Variants in GAD1 observed in about 807,000 individuals in gnomAD.
GAD1 encodes the protein glutamate decarboxylase 1.
Under a neutral mutation model 75.2 loss-of-function variants are expected in GAD1, and 35 were observed. The ratio of observed to expected loss-of-function variants is 0.47; its 90% confidence interval spans 0.36 to 0.62. The LOEUF is 0.62. GAD1 is among the 20% of genes least tolerant of loss of function. The probability of loss-of-function intolerance (pLI) is 0.00; values close to 1 mark genes in which losing one functional copy is unlikely to be tolerated. For missense variants in GAD1, 490 were observed against 758.5 expected (o/e 0.65, Z 4.16); for synonymous variants, 257 against 271.9 (o/e 0.95, Z 0.54).
Position 170,829,573 on chromosome 2 carries a change from A to G in GAD1, c.244A>G (p.Ser82Gly), listed in dbSNP as rs1439422597. Residue 82 changes from serine to glycine, a missense_variant, in exon 4 of 17, where the codon AGC becomes GGC. Physicochemically the swap from Ser to Gly is moderately conservative, Grantham distance 56. Coordinates refer to ENST00000358196, the MANE Select transcript of GAD1 (RefSeq NM_000817.3). ...CAAGAACCTGCTTTCCTGTGAAAAC[A>G]GCGACCGGGATGCCCGCTTCCGGCG... ...SSKNLLSCEN[S>G]DRDARFRRTE... is the part of the protein sequence containing the mutation. 6.2e-7 allele frequency: 1 copy of G among 1,612,580 alleles called. No individual in the cohort carries two copies.
chr2:170,828,801 A>C (rs1479993516), intron 3 of GAD1, among the ~76,000 whole-genome samples: 53 of 73,118 alleles, frequency 7.2e-4, no homozygotes, highest in Admixed American at 9.3e-4. Context: ...TGCTGTCCTC[A>C]CCCCTCCTCT....
At chr2:170,840,047 A>G (rs540828049) in intron 6 of GAD1, among the ~76,000 whole-genome samples, 9 of 152,338 alleles carry the variant, frequency 5.9e-5, no homozygotes, top group African/African-American at 1.9e-4. Flanking sequence ...CAGCTGTGAC[A>G]TAGACTTGGA....
At chr2:170,849,076 C>A in intron 11 of GAD1, 1 of 633,624 alleles carries the variant, frequency 1.6e-6, no homozygotes, top group Non-Finnish European at 2.9e-6. Context: ...ACTTGTGCAG[C>A]TAAAGTCCAG....
In GAD1 at chr2:170,830,954, G is replaced by C; in HGVS notation, c.309G>C (p.Leu103=). ...TCATTGCTCTCCCCAATTCAGATCT[G>C]CTTCCGGCTAAGAACGGTGAGGAGC... ...TDFSNLFARD[L]LPAKNGEEQT... is the part of the protein sequence containing the mutation. Residue 103 remains leucine (L), a synonymous_variant, in exon 5 of 17, where the codon CTG becomes CTC. Coordinates refer to ENST00000358196, the MANE Select transcript of GAD1 (RefSeq NM_000817.3). 1 of 1,614,196 alleles carries C rather than the reference G, an allele frequency of 6.2e-7. No individual in the cohort carries two copies. The highest frequency in any genetic ancestry group is 8.5e-7 in the Non-Finnish European group (1 of 1,180,038).
chr2:170,824,170 C>T (rs1701967894), intron 3 of GAD1, among the ~76,000 whole-genome samples: 1 of 152,214 alleles, frequency 6.6e-6, no homozygotes, highest in African/African-American at 2.4e-5. Context: ...CCATGGTAGT[C>T]TGTTGAGGAG....
chr2:170,823,941 G>A (rs1295235400), intron 3 of GAD1, among the ~76,000 whole-genome samples: 1 of 152,134 alleles, frequency 6.6e-6, no homozygotes, highest in African/African-American at 2.4e-5. Context: ...CTCCACTTCC[G>A]CGGGAATAAA....
intron 7 of GAD1, chr2:170,845,206 A>AC: frequency 2.2e-6 from 1 of 462,412 alleles, no homozygotes; most frequent in East Asian, 4.4e-5. Flanking sequence ...CTTTGCAGCC[A>AC]CTGATGCAGC....
chr2:170,845,632 G>A lies in GAD1; in HGVS notation c.867+11G>A. ...TTCACCTCAGAACAGGTGAGTCGGG[G>A]ATGCTTTCTCATGGATAGTGGTGTT... is the stretch of plus-strand genomic sequence containing the variant. On this transcript the variant is annotated intron_variant, in intron 8 of 16. Transcript: ENST00000358196. 1.2e-6 allele frequency: 2 copies of A among 1,613,520 alleles called. No individual in the cohort carries two copies. The highest frequency in any genetic ancestry group is 2.2e-5 in the East Asian group (1 of 44,874).
chr2:170,819,878 G>T (rs936353084), intron 2 of GAD1, among the ~76,000 whole-genome samples: 1 of 152,116 alleles, frequency 6.6e-6, no homozygotes, highest in Non-Finnish European at 1.5e-5. Flanking sequence ...CCCTTTAGAC[G>T]CTGGCATTGG....
Position 170,818,399 on chromosome 2 carries a change from T to C in GAD1, c.-63-130T>C. 3 of 632,364 alleles carry C rather than the reference T, an allele frequency of 4.7e-6. No individual in the cohort carries two copies. Among genetic ancestry groups the C allele is most frequent in the South Asian group, 3.6e-5 (2 of 54,968 alleles). 39.2% of individuals were successfully genotyped at this position (632,364 alleles called of 1,614,324 possible). ...GCGCACCCCTACCAGGCAGGCTCGCTGCCTTTCCTCCCTCTTGTCTCTCCA... is the reference window on the plus strand; with the variant it reads ...GCGCACCCCTACCAGGCAGGCTCGCCGCCTTTCCTCCCTCTTGTCTCTCCA... On this transcript the variant is annotated intron_variant, in intron 1 of 16. Coordinates refer to ENST00000358196, the MANE Select transcript of GAD1 (RefSeq NM_000817.3). The surrounding 1 kb of genome is among the most constrained non-coding windows in gnomAD (Gnocchi z 5.9).
chr2:170,822,607 C>T (rs1701918368), intron 3 of GAD1, among the ~76,000 whole-genome samples: 1 of 152,268 alleles, frequency 6.6e-6, no homozygotes, highest in Non-Finnish European at 1.5e-5. Context: ...GCTGACACGT[C>T]TCCCCCATCC....
At chr2:170,835,417 A>G (rs75261390) in intron 5 of GAD1, among the ~76,000 whole-genome samples, 3,628 of 152,290 alleles carry the variant, frequency 0.024, 138 homozygotes, top group African/African-American at 0.083. Flanking sequence ...CACCATATCT[A>G]TCATCTGCTA....
upstream of GAD1, chr2:170,816,797 G>C (rs1440622769): frequency 6.5e-6 from 1 of 153,390 alleles, no homozygotes; most frequent in Non-Finnish European, 1.5e-5. Context: ...CGCGAGCAAC[G>C]GCCTCGTGAT....
intron 3 of GAD1, 28 bp from the exon 4 acceptor site, chr2:170,829,445 ACT>A: frequency 3.7e-6 from 6 of 1,611,628 alleles, no homozygotes; most frequent in Non-Finnish European, 5.1e-6. Flanking sequence ...AGTTTGCAGC[ACT>A]CTCTCTGACC....
chr2:170,846,796 A>G (rs1702641695), intron 10 of GAD1, among the ~76,000 whole-genome samples: 1 of 152,202 alleles, frequency 6.6e-6, no homozygotes, highest in African/African-American at 2.4e-5. Context: ...CCTTGAGCCC[A>G]GGAATTCAAG....
intron 4 of GAD1, chr2:170,829,836 G>C (rs1283459033): frequency 1.7e-6 from 1 of 591,488 alleles, no homozygotes; most frequent in Non-Finnish European, 3.0e-6. Context: ...TTTGGAAACT[G>C]GATGAAGGCA....
At chr2:170,858,685 G>T in intron 15 of GAD1, 119 bp from the exon 16 acceptor site, 1 of 840,280 alleles carries the variant, frequency 1.2e-6, no homozygotes, top group South Asian at 1.4e-5. Context: ...CCTTTGAGAT[G>T]AACATTCAAC....
chr2:170,814,507 G>T (rs1185884756), upstream of GAD1, among the ~76,000 whole-genome samples: 2 of 152,164 alleles, frequency 1.3e-5, no homozygotes, highest in Non-Finnish European at 2.9e-5. Context: ...TCAAATTTAT[G>T]AAGTTTCTAA....
At chr2:170,845,897 T>TG in intron 9 of GAD1, 112 bp downstream of exon 9, 2 of 1,451,090 alleles carry the variant, frequency 1.4e-6, no homozygotes, top group Non-Finnish European at 1.9e-6. Flanking sequence ...AAGCTGCTAA[T>TG]GGTCTGTTGA....
Sources: gnomAD v4.1 joint callset for allele counts (sites outside exome capture counted in the v4.1 genomes callset) on GRCh38, gnomAD v4.1.1 for gene constraint, Gnocchi (gnomAD v3.1) non-coding constraint, MANE v1.5 for transcripts, NCBI Gene and HGNC (gene_info 2026-07-23, HGNC 2026-07-21) for gene names.